The following ATP11A variants were observed in gnomAD, a reference collection of about 807,000 sequenced individuals.
The protein encoded by ATP11A is ATPase phospholipid transporting 11A.
Under a neutral mutation model 154.4 loss-of-function variants are expected in ATP11A, and 81 were observed. That is an observed-to-expected ratio of 0.52 (90% CI 0.44 to 0.63). ATP11A has a LOEUF of 0.63. Ranked by LOEUF, ATP11A falls within the 30% of genes least tolerant of loss-of-function variation. ATP11A has a pLI of 0.00. For synonymous variants in ATP11A, 623 were observed against 585.9 expected (o/e 1.06, Z -0.91); for missense variants, 1,316 against 1,474.3 (o/e 0.89, Z 1.76).
intron 1 of ATP11A, among the ~76,000 whole-genome samples, chr13:112,768,415 G>A (rs1378048155): frequency 6.6e-6 from 1 of 152,216 alleles, no homozygotes; most frequent in Non-Finnish European, 1.5e-5. Flanking sequence ...GGTGCCTGCC[G>A]GATTTCAGAC....
Position 112,836,182 on chromosome 13 carries a change from G to A in ATP11A, c.1636G>A (p.Glu546Lys). 6.2e-7 allele frequency: 1 copy of A among 1,612,092 alleles called. No homozygotes were observed. The highest frequency in any genetic ancestry group is 8.5e-7 in the Non-Finnish European group (1 of 1,178,512). Residue 546 changes from glutamate (E) to lysine (K), a missense_variant, in exon 16 of 30, where the codon GAA becomes AAA. By Grantham distance (56) the Glu-to-Lys change is moderately conservative (BLOSUM62 1). Transcript: ENST00000375645. Reference sequence around the variant, plus strand: ...CCTTCTGCATTTCTCTTTCAGGTTTGAATTGCTGGAAATTTTGAGTTTTGA... The same window carrying A: ...CCTTCTGCATTTCTCTTTCAGGTTTAAATTGCTGGAAATTTTGAGTTTTGA... ...LNRENHIERF[E>K]LLEILSFDSV...
chr13:112,819,993 G>C, intron 8 of ATP11A, 43 bp downstream of exon 8: 8 of 1,525,486 alleles, frequency 5.2e-6, no homozygotes, highest in Non-Finnish European at 7.1e-6. Context: ...CACCTCCCTT[G>C]TTGCGTTAGA....
chr13:112,702,906 T>C (rs79539941), intron 1 of ATP11A, among the ~76,000 whole-genome samples: 2,928 of 152,340 alleles, frequency 0.019, 39 homozygotes, highest in Non-Finnish European at 0.033. Context: ...ACAGGCTTGA[T>C]GATTGAGAAA....
chr13:112,735,907 C>T (rs1156350203), intron 1 of ATP11A, among the ~76,000 whole-genome samples: 1 of 152,240 alleles, frequency 6.6e-6, no homozygotes, highest in South Asian at 2.1e-4. Context: ...TCCGTGTGCT[C>T]CTCCATGCCT....
intron 1 of ATP11A, among the ~76,000 whole-genome samples, chr13:112,741,557 G>A (rs1481840595): frequency 6.6e-6 from 1 of 152,138 alleles, no homozygotes; most frequent in African/African-American, 2.4e-5. Context: ...GTGGAGGGTG[G>A]AGGCACTAGC....
chr13:112,733,083 A>C (rs533759288), intron 1 of ATP11A, among the ~76,000 whole-genome samples: 4 of 152,374 alleles, frequency 2.6e-5, no homozygotes, highest in Admixed American at 1.3e-4. Flanking sequence ...TTTCATTGTT[A>C]AATTGGGCAT....
intron 1 of ATP11A, among the ~76,000 whole-genome samples, chr13:112,775,955 C>T (rs1315523911): frequency 6.6e-6 from 1 of 152,260 alleles, no homozygotes; most frequent in African/African-American, 2.4e-5. Flanking sequence ...GCTGCTGCGC[C>T]TCCCGGGCGT....
chr13:112,857,677 A>G, intron 20 of ATP11A, 141 bp from the exon 21 acceptor site: 1 of 663,952 alleles, frequency 1.5e-6, no homozygotes. Flanking sequence ...AACAGACAGA[A>G]TGTCGTAAAT....
chr13:112,696,318 A>G lies in ATP11A; in HGVS notation c.39+5863A>G, dbSNP rs370953324. Among the ~76,000 whole-genome samples, 4 of 151,470 alleles carry G rather than the reference A, an allele frequency of 2.6e-5. No individual in the cohort carries two copies. Among genetic ancestry groups the G allele is most frequent in the African/African-American group, 7.3e-5 (3 of 41,162 alleles). On this transcript the variant is annotated intron_variant, in intron 1 of 29. Coordinates refer to ENST00000375645, the MANE Select transcript of ATP11A (RefSeq NM_015205.3). The surrounding 1 kb of genome is among the most constrained non-coding windows in gnomAD (Gnocchi z 6.2). ...GGGCTTTCCGGAACCTTCTCCCCGC[A>G]CTCCTCTTCACGTGGAGAGTGGGTG...
intron 5 of ATP11A, among the ~76,000 whole-genome samples, chr13:112,814,278 G>C (rs1019386578): frequency 8.6e-5 from 13 of 151,922 alleles, no homozygotes; most frequent in African/African-American, 3.1e-4. Flanking sequence ...GCCCAGGCTA[G>C]TTTTGAACTG....
chr13:112,751,817 T>C (rs555326154), intron 1 of ATP11A, among the ~76,000 whole-genome samples: 25 of 151,748 alleles, frequency 1.6e-4, no homozygotes, highest in African/African-American at 6.0e-4. Flanking sequence ...GCAGCCTGGT[T>C]CCAGTGATTC....
chr13:112,716,027 G>A (rs889062475), intron 1 of ATP11A, among the ~76,000 whole-genome samples: 2 of 152,150 alleles, frequency 1.3e-5, no homozygotes, highest in African/African-American at 4.8e-5. Context: ...CTGGCTCTGT[G>A]GGGGCCTGGG....
At chr13:112,720,110 T>G (rs2139627296) in intron 1 of ATP11A, among the ~76,000 whole-genome samples, 1 of 152,358 alleles carries the variant, frequency 6.6e-6, no homozygotes. Flanking sequence ...AAGAGGTTTA[T>G]TCTGAGCCTG....
rs1004891577 is a variant in ATP11A, at chr13:112,837,172, C to T, written c.1705+921C>T. Among the ~76,000 whole-genome samples, 14 of 152,078 alleles carry T rather than the reference C, an allele frequency of 9.2e-5. No homozygotes were observed. The East Asian group carries it at 2.1e-3, about 23-fold the overall frequency. On this transcript the variant is annotated intron_variant, in intron 16 of 29. Transcript: ENST00000375645. The stretch of plus-strand genomic sequence containing the variant: ...CCACCCCTTTGCATGGCCATCACTT[C>T]CTAAGAGCTCCCACCGCCCCCTCTG...
intron 1 of ATP11A, among the ~76,000 whole-genome samples, chr13:112,717,867 A>G (rs776931005): frequency 2.4e-4 from 37 of 152,374 alleles, no homozygotes; most frequent in Admixed American, 1.4e-3. Context: ...ACCTGAGGTC[A>G]GGAGTTTGAG....
intron 25 of ATP11A, among the ~76,000 whole-genome samples, chr13:112,870,874 C>T (rs114979744): frequency 6.6e-6 from 1 of 152,200 alleles, no homozygotes; most frequent in Non-Finnish European, 1.5e-5. Flanking sequence ...GTGCCTCGTG[C>T]GGTAGAGAGG....
chr13:112,868,577 C>T (rs1345022719), intron 25 of ATP11A, among the ~76,000 whole-genome samples: 1 of 152,134 alleles, frequency 6.6e-6, no homozygotes, highest in African/African-American at 2.4e-5. Context: ...GAAACAGGAG[C>T]TTCACTGGGG....
At chr13:112,743,261 G>C (rs1891741288) in intron 1 of ATP11A, among the ~76,000 whole-genome samples, 1 of 152,266 alleles carries the variant, frequency 6.6e-6, no homozygotes, top group Non-Finnish European at 1.5e-5. Flanking sequence ...CAATAGCATT[G>C]CTGGAAAATA....
intron 1 of ATP11A, among the ~76,000 whole-genome samples, chr13:112,713,440 A>T (rs147141349): frequency 2.0e-5 from 3 of 152,362 alleles, no homozygotes; most frequent in African/African-American, 7.2e-5. Flanking sequence ...TGGCATGAAT[A>T]ATCATGAAAC....
Sources: gnomAD v4.1 joint callset for allele counts (sites outside exome capture counted in the v4.1 genomes callset) on GRCh38, gnomAD v4.1.1 for gene constraint, Gnocchi (gnomAD v3.1) non-coding constraint, MANE v1.5 for transcripts, NCBI Gene and HGNC (gene_info 2026-07-23, HGNC 2026-07-21) for gene names.